The following BSCL2 variants were observed in gnomAD, a reference collection of about 807,000 sequenced individuals.
The protein encoded by BSCL2 is seipin.
In BSCL2, 41 loss-of-function variants were observed where a neutral mutation model predicts 57.4. That is an observed-to-expected ratio of 0.71 (90% CI 0.56 to 0.93). The LOEUF (loss-of-function observed/expected upper bound fraction) is 0.93, where lower values mean the gene tolerates loss of function less well. BSCL2 is among the 40% of genes least tolerant of loss of function. The pLI, the probability that BSCL2 is intolerant of heterozygous loss-of-function variation, is 0.00. For missense variants in BSCL2, 539 were observed against 586.7 expected, an observed-to-expected ratio of 0.92 and a Z score of 0.84; for synonymous variants, 237 against 227.3, an observed-to-expected ratio of 1.04 and a Z score of -0.38.
chr11:62,708,948 G>A, upstream of BSCL2: 3 of 707,578 alleles, frequency 4.2e-6, no homozygotes, highest in Non-Finnish European at 7.5e-6. Flanking sequence ...TGAAGCACAA[G>A]GCCCACCCTC....
At chr11:62,701,892 A>C (rs1337560956) in intron 3 of BSCL2, among the ~76,000 whole-genome samples, 1 of 152,024 alleles carries the variant, frequency 6.6e-6, no homozygotes, top group Non-Finnish European at 1.5e-5. Flanking sequence ...CCTGAAGTAC[A>C]GTGTCTAAGG....
Position 62,707,179 on chromosome 11 carries a change from A to G in BSCL2, c.17T>C (p.Val6Ala). Residue 6 changes from valine (V) to alanine (A), a missense_variant, in exon 1 of 11, where the codon GTA becomes GCA. Val to Ala is a moderately conservative substitution (Grantham distance 64). Around this residue, in one of 3 missense-constraint regions of BSCL2, gnomAD observed 218 missense variants for 224.8 expected, o/e 0.97. Coordinates refer to ENST00000360796, the MANE Select transcript of BSCL2 (RefSeq NM_001122955.4). ...TTCCCCAGCTTCCTCCTTTTGGTCTACCTTTTCTGTAGACATCTTCCTGAC... is the reference window on the plus strand; with the variant it reads ...TTCCCCAGCTTCCTCCTTTTGGTCTGCCTTTTCTGTAGACATCTTCCTGAC... Reference protein sequence around the residue: MSTEKVDQKEEAGEKE... With the variant: MSTEKADQKEEAGEKE... 3 of 1,552,712 alleles carry G rather than the reference A, an allele frequency of 1.9e-6. No individual in the cohort carries two copies. Among genetic ancestry groups the G allele is most frequent in the Non-Finnish European group, 1.7e-6 (2 of 1,147,336 alleles).
intron 3 of BSCL2, among the ~76,000 whole-genome samples, chr11:62,695,668 G>C (rs763786132): frequency 7.2e-6 from 1 of 139,582 alleles, no homozygotes; most frequent in African/African-American, 2.7e-5. Flanking sequence ...CCGAGAGCGC[G>C]CCATTGCACT....
rs147612674 is a variant in BSCL2, at chr11:62,704,217, C to A, written c.404+1084G>T. ...ATCCCAGCACTTTGGGAGGCCAAGG[C>A]GGATGGATCACCTGCATTCAGGAGT... On this transcript the variant is annotated intron_variant, in intron 2 of 10. Transcript: ENST00000360796. 3.9e-3 allele frequency among the ~76,000 whole-genome samples: 586 copies of A among 151,248 alleles called. 3 individuals carry two copies. The highest frequency in any genetic ancestry group is 0.013 in the African/African-American group (547 of 41,220).
Position 62,707,294 on chromosome 11 carries a change from C to T in BSCL2, c.-99G>A, listed in dbSNP as rs1211864364. On this transcript the variant is annotated 5_prime_UTR_variant, in exon 1 of 11. In the 5' UTR this introduces an upstream ATG that the reference lacks. Transcript: ENST00000360796. ...AGACGCTGATACCTGTGGCGCATCA[C>T]ATTTTCCTGGATATGGAAAATGGAG... The T allele has an allele frequency of 2.8e-6, 3 of 1,060,270 alleles. No individual in the cohort carries two copies. The South Asian group carries it at 4.0e-5, about 14-fold the overall frequency. The allele number at this position is 1,060,270 out of a possible 1,614,324, so 65.7% of individuals were successfully genotyped here. A position where few individuals can be genotyped will look rare whatever the true frequency, so the allele number is the denominator to read the frequency against.
chr11:62,691,315 C>G lies in BSCL2; in HGVS notation c.970G>C (p.Gly324Arg), dbSNP rs1244214467. 4 of 1,614,012 alleles carry G rather than the reference C, an allele frequency of 2.5e-6. No individual in the cohort carries two copies. Among genetic ancestry groups the G allele is most frequent in the African/African-American group, 1.3e-5 (1 of 74,910 alleles). ...AAGCGGTGTCGGGGCCAGATGCCCCCCCACACCCACTGCATGTAGCTGAAG... is the reference window on the plus strand; with the variant it reads ...AAGCGGTGTCGGGGCCAGATGCCCCGCCACACCCACTGCATGTAGCTGAAG... ...VLFSYMQWVW[G>R]GIWPRHRFSL... is the part of the protein sequence containing the mutation. The change falls in exon 7 of 11, where the codon GGG becomes CGG. Residue 324 changes from glycine (G) to arginine (R), a missense_variant. Physicochemically the swap from Gly to Arg is moderately radical, Grantham distance 125. Around this residue, in one of 3 missense-constraint regions of BSCL2, gnomAD observed 248 missense variants for 239.9 expected, o/e 1.03. Coordinates refer to ENST00000360796, the MANE Select transcript of BSCL2 (RefSeq NM_001122955.4).
At position 62,690,648 on chromosome 11, in the gene BSCL2, T is replaced by G; in HGVS notation, c.1198A>C (p.Ser400Arg). The G allele has an allele frequency of 6.2e-7, 1 of 1,613,944 alleles. No individual in the cohort carries two copies. Among genetic ancestry groups the G allele is most frequent in the Non-Finnish European group, 8.5e-7 (1 of 1,180,002 alleles). ...EEEKPDQQPLSGEEELEPEAS... is the reference protein window; with the variant it reads ...EEEKPDQQPLRGEEELEPEAS... ...TCAGGCTCTAGCTCCTCTTCTCCGC[T>G]CAGGGGCTGCTGATCTGGTTTCTCC... The change falls in exon 10 of 11, where the codon AGC becomes CGC. Residue 400 changes from serine (S) to arginine (R), a missense_variant. Transcript: ENST00000360796.
intron 3 of BSCL2, among the ~76,000 whole-genome samples, chr11:62,697,261 G>C (rs1340283302): frequency 6.6e-6 from 1 of 151,520 alleles, no homozygotes; most frequent in Non-Finnish European, 1.5e-5. Flanking sequence ...CGGGCATGGT[G>C]GTGGGCGCCT....
chr11:62,692,385 G>A lies in BSCL2; in HGVS notation c.854C>T (p.Thr285Ile). The A allele has an allele frequency of 6.2e-7, 1 of 1,614,180 alleles. No individual in the cohort carries two copies. The highest frequency in any genetic ancestry group is 1.1e-5 in the South Asian group (1 of 91,082). Reference protein sequence around the residue: ...GAYLRIHAHFTGLRYLLYNFP... With the variant: ...GAYLRIHAHFIGLRYLLYNFP... ...CCAGTTGGCCCCTCACCTGAGCCCA[G>A]TGAAGTGCGCGTGGATGCGGAGGTA... is the stretch of plus-strand genomic sequence containing the variant. Residue 285 changes from threonine to isoleucine, a missense_variant, in exon 6 of 11, where the codon ACT becomes ATT. By Grantham distance (89) the Thr-to-Ile change is moderately conservative. This residue lies in a region of BSCL2 where 248 missense variants were observed against 239.9 expected (regional missense o/e 1.03). Transcript: ENST00000360796.
chr11:62,691,265 C>CT lies in BSCL2; in HGVS notation c.1005+14dup, dbSNP rs1945302287. The CT allele has an allele frequency of 6.2e-7, 1 of 1,614,182 alleles. No homozygotes were observed. Among genetic ancestry groups the CT allele is most frequent in the Admixed American group, 1.7e-5 (1 of 60,022 alleles). On this transcript the variant is annotated intron_variant, in intron 7 of 10. Transcript: ENST00000360796. ...AAGATCAAAGGGACAAAAGGGGGTC[C>CT]TTGCCCCTTTCGACCTGCAAAGAGA...
chr11:62,695,829 G>A (rs1390392270), intron 3 of BSCL2, among the ~76,000 whole-genome samples: 1 of 151,958 alleles, frequency 6.6e-6, no homozygotes, highest in African/African-American at 2.4e-5. Context: ...CTAAGGCAAT[G>A]GTTGACACCA....
chr11:62,705,277 A>G (rs1048743925), intron 2 of BSCL2, 24 bp downstream of exon 2: 3 of 1,583,068 alleles, frequency 1.9e-6, no homozygotes, highest in Non-Finnish European at 2.6e-6. Context: ...GGAGTCCTCT[A>G]TTTTGATAGA....
rs543886266 is a variant in BSCL2 at position 62,700,889 on chromosome 11, G to T, written c.486+1579C>A. Among the ~76,000 whole-genome samples the T allele has an allele frequency of 2.0e-5, 3 of 152,074 alleles. No individual in the cohort carries two copies. In the East Asian group the frequency reaches 5.8e-4, roughly 29 times the overall value. On this transcript the variant is annotated intron_variant, in intron 3 of 10. Transcript: ENST00000360796. ...AATCGCTTGATCCCAGGAGTTGGAG[G>T]TTGCAGTGAAGTGAGATCGCGCCAC... is the stretch of plus-strand genomic sequence containing the variant.
Position 62,705,314 on chromosome 11 carries a change from G to A in BSCL2, c.391C>T (p.His131Tyr). The change falls in exon 2 of 11, where the codon CAT becomes TAT. Residue 131 changes from histidine to tyrosine, a missense_variant. His to Tyr is a moderately conservative substitution (Grantham distance 83, BLOSUM62 2). Transcript: ENST00000360796. ...MPTVSHLSPV[H>Y]FYYRTDCDSS... The stretch of plus-strand genomic sequence containing the variant: ...GGCCCCTCTCACCTGTAGTAGAAAT[G>A]CACAGGGCTGAGGTGGCTGACTGTC... 6.2e-7 allele frequency: 1 copy of A among 1,612,162 alleles called. No individual in the cohort carries two copies. The highest frequency in any genetic ancestry group is 8.5e-7 in the Non-Finnish European group (1 of 1,179,098).
chr11:62,690,290 T>C lies in BSCL2; in HGVS notation c.*77A>G, dbSNP rs1179201523. On this transcript the variant is annotated 3_prime_UTR_variant, in exon 11 of 11. Coordinates refer to ENST00000360796, the MANE Select transcript of BSCL2 (RefSeq NM_001122955.4). ...AGTCAAGGAAGAAGCTGACACAAAATAGTTTATTGAAGGAAAAACGAGGGG... is the reference window on the plus strand; with the variant it reads ...AGTCAAGGAAGAAGCTGACACAAAACAGTTTATTGAAGGAAAAACGAGGGG... 1 of 1,598,714 alleles carries C rather than the reference T, an allele frequency of 6.3e-7. No individual in the cohort carries two copies. Among genetic ancestry groups the C allele is most frequent in the Non-Finnish European group, 8.6e-7 (1 of 1,168,288 alleles).
chr11:62,705,528 G>A lies in BSCL2; in HGVS notation c.177C>T (p.His59=), dbSNP rs1454276433. 3 of 1,613,068 alleles carry A rather than the reference G, an allele frequency of 1.9e-6. No homozygotes were observed. The highest frequency in any genetic ancestry group is 2.2e-5 in the South Asian group (2 of 91,016). The change falls in exon 2 of 11, where the codon CAC becomes CAT. Residue 59 remains histidine (H), a synonymous_variant. Coordinates refer to ENST00000360796, the MANE Select transcript of BSCL2 (RefSeq NM_001122955.4). ...CGTTGACCATGGCCGGGAGAGCAGG[G>A]TGTCTGGCCCCAGGTTCAGGCCTTG... The part of the protein sequence containing the change: ...RNARPEPGAR[H]PALPAMVNDP...
At chr11:62,700,738 A>T (rs891819020) in intron 3 of BSCL2, among the ~76,000 whole-genome samples, 2 of 152,156 alleles carry the variant, frequency 1.3e-5, no homozygotes, top group Non-Finnish European at 2.9e-5. Flanking sequence ...GGATCACCTG[A>T]GGTCAGGAGT....
rs1312113740 is a variant in BSCL2, at chr11:62,707,215, T to C, written c.-20A>G. The C allele has an allele frequency of 2.5e-5, 38 of 1,550,230 alleles. No homozygotes were observed. The highest frequency in any genetic ancestry group is 3.1e-5 in the Non-Finnish European group (36 of 1,145,260). ...AGACATCTTCCTGACGAGCCTCTGT[T>C]GACTCTGGATCTTCCACTGAGTCAC... On this transcript the variant is annotated 5_prime_UTR_variant, in exon 1 of 11. Transcript: ENST00000360796.
intron 1 of BSCL2, chr11:62,706,367 C>T: frequency 9.5e-7 from 1 of 1,056,336 alleles, no homozygotes; most frequent in Non-Finnish European, 1.2e-6. Context: ...GGGGCTTCAG[C>T]CCAGGGCGGG....
Sources: gnomAD v4.1 joint callset for allele counts (sites outside exome capture counted in the v4.1 genomes callset) on GRCh38, gnomAD v4.1.1 for gene constraint, gnomAD v4.1.1 regional missense constraint, MANE v1.5 for transcripts, NCBI Gene and HGNC (gene_info 2026-07-23, HGNC 2026-07-21) for gene names.